Variants in TTLL11 observed in about 807,000 individuals in gnomAD.
The protein encoded by TTLL11 is tubulin tyrosine ligase like 11.
A neutral mutation model predicts 51.7 loss-of-function variants in TTLL11; 42 were observed. The ratio of observed to expected loss-of-function variants is 0.81; its 90% confidence interval spans 0.64 to 1.05. TTLL11 has a LOEUF of 1.05. Ranked by LOEUF, TTLL11 falls within the 50% of genes least tolerant of loss-of-function variation. The pLI is 0.00. For synonymous variants in TTLL11, 381 were observed against 383.5 expected (o/e 0.99, Z 0.08); for missense variants, 799 against 940.4 (o/e 0.85, Z 1.97).
chr9:122,003,072 A>G (rs1843525862), intron 3 of TTLL11, among the ~76,000 whole-genome samples: 3 of 152,050 alleles, frequency 2.0e-5, no homozygotes, highest in Non-Finnish European at 4.4e-5. Context: ...CAGCTATGCC[A>G]CAGTCTCAAC....
intron 6 of TTLL11, among the ~76,000 whole-genome samples, chr9:121,875,081 C>T (rs1838520631): frequency 2.0e-5 from 3 of 152,052 alleles, no homozygotes; most frequent in Admixed American, 1.3e-4. Context: ...TAAAGCTCAC[C>T]GTTTTAACCA....
chr9:122,026,626 A>C (rs1564364117), intron 3 of TTLL11, among the ~76,000 whole-genome samples: 1 of 152,152 alleles, frequency 6.6e-6, no homozygotes, highest in Non-Finnish European at 1.5e-5. Context: ...ATATCTCAAT[A>C]AAGCTGTCTG....
At chr9:121,865,231 C>T (rs563708065) in intron 7 of TTLL11, among the ~76,000 whole-genome samples, 1 of 152,226 alleles carries the variant, frequency 6.6e-6, no homozygotes, top group South Asian at 2.1e-4. Context: ...TAACACACCA[C>T]GTTGCCTCTC....
chr9:121,840,613 C>T (rs1837321051), intron 8 of TTLL11, among the ~76,000 whole-genome samples: 1 of 152,206 alleles, frequency 6.6e-6, no homozygotes, highest in African/African-American at 2.4e-5. Context: ...CCAGGTTGGT[C>T]TTGAACTCCT....
chr9:121,838,989 G>T (rs1283020039), intron 8 of TTLL11, among the ~76,000 whole-genome samples: 1 of 152,090 alleles, frequency 6.6e-6, no homozygotes, highest in Non-Finnish European at 1.5e-5. Context: ...CCTTCATTTC[G>T]CAGAACCTGC....
At position 121,912,632 on chromosome 9, in the gene TTLL11, C is replaced by A. The variant is rs568865166; in HGVS notation, c.1482-41884G>T. 7.2e-4 allele frequency among the ~76,000 whole-genome samples: 109 copies of A among 152,156 alleles called. 3 individuals are homozygous for A. Among genetic ancestry groups the A allele is most frequent in the Admixed American group, 7.1e-3 (108 of 15,294 alleles). ...CCCCTAAATTGTGTCTGTCTCAATACCCTATTGGATCTGGGAGCATCTTGA... is the reference window on the plus strand; with the variant it reads ...CCCCTAAATTGTGTCTGTCTCAATAACCTATTGGATCTGGGAGCATCTTGA... On this transcript the variant is annotated intron_variant, in intron 6 of 8. Transcript: ENST00000321582.
At chr9:121,851,873 G>T (rs1467303139) in intron 8 of TTLL11, among the ~76,000 whole-genome samples, 1 of 152,182 alleles carries the variant, frequency 6.6e-6, no homozygotes, top group Non-Finnish European at 1.5e-5. Flanking sequence ...GAGCTCCCTG[G>T]ACATGCTGTT....
chr9:121,992,881 C>G (rs1243221697), intron 3 of TTLL11, among the ~76,000 whole-genome samples: 1 of 152,206 alleles, frequency 6.6e-6, no homozygotes, highest in Non-Finnish European at 1.5e-5. Context: ...CAGTAAGATA[C>G]TCTACTAAGA....
At chr9:121,975,093 T>G (rs1842669842) in intron 4 of TTLL11, 114 bp from the exon 5 acceptor site, 1 of 706,888 alleles carries the variant, frequency 1.4e-6, no homozygotes, top group South Asian at 2.4e-5. Context: ...GACCCTGGCT[T>G]CTCTTGTCCA....
intron 3 of TTLL11, among the ~76,000 whole-genome samples, chr9:121,991,988 A>G (rs1418928700): frequency 6.6e-6 from 1 of 152,128 alleles, no homozygotes; most frequent in Non-Finnish European, 1.5e-5. Context: ...TCTAAGATAA[A>G]ACTGAAGATC....
In TTLL11 at chr9:122,032,797, C is replaced by CTT. The variant is rs11371856; in HGVS notation, c.560-943_560-942dup. Among the ~76,000 whole-genome samples, 453 of 138,626 alleles carry CTT rather than the reference C, an allele frequency of 3.3e-3. 6 individuals carry two copies. Among genetic ancestry groups the CTT allele is most frequent in the African/African-American group, 0.011 (421 of 37,418 alleles). 90.9% of individuals were successfully genotyped at this position (138,626 alleles called of 152,430 possible). A position where few individuals can be genotyped will look rare whatever the true frequency, so the allele number is the denominator to read the frequency against. On this transcript the variant is annotated intron_variant, in intron 2 of 8. Coordinates refer to ENST00000321582, the MANE Select transcript of TTLL11 (RefSeq NM_001139442.2). ...TTTTAGCATGTTTATTTCATTTTTT[C>CTT]TTTTTTTTTTTTTTTGAAACACAGC...
intron 7 of TTLL11, among the ~76,000 whole-genome samples, chr9:121,863,262 G>C (rs9299276): frequency 0.98 from 149,862 of 152,230 alleles, 73,804 homozygotes; most frequent in Middle Eastern, 1. Flanking sequence ...CTGTGGGGGA[G>C]GATGGTCCAG....
chr9:121,849,965 C>A (rs1002760331), intron 8 of TTLL11, among the ~76,000 whole-genome samples: 1 of 152,142 alleles, frequency 6.6e-6, no homozygotes, highest in Non-Finnish European at 1.5e-5. Context: ...CTGTATACTT[C>A]AAATTATCTC....
chr9:121,914,974 A>C (rs1840271401), intron 6 of TTLL11, among the ~76,000 whole-genome samples: 1 of 152,130 alleles, frequency 6.6e-6, no homozygotes, highest in African/African-American at 2.4e-5. Flanking sequence ...CCCGCTCTCC[A>C]CAGGGGCTCA....
intron 6 of TTLL11, among the ~76,000 whole-genome samples, chr9:121,911,454 A>G (rs1267884915): frequency 1.3e-5 from 2 of 152,242 alleles, no homozygotes; most frequent in Admixed American, 6.5e-5. Flanking sequence ...CCTAAGGATT[A>G]TAAGTAATTC....
chr9:122,005,500 T>C (rs1390644156), intron 3 of TTLL11, among the ~76,000 whole-genome samples: 2 of 152,180 alleles, frequency 1.3e-5, no homozygotes, highest in Non-Finnish European at 2.9e-5. Flanking sequence ...CAGGGTGGCA[T>C]TGGGCTAAGA....
At chr9:121,930,752 T>A (rs1840935069) in intron 6 of TTLL11, among the ~76,000 whole-genome samples, 1 of 152,170 alleles carries the variant, frequency 6.6e-6, no homozygotes. Context: ...GTGTGGACCT[T>A]TGCATCTCTA....
At chr9:121,927,701 T>TG (rs1398838366) in intron 6 of TTLL11, among the ~76,000 whole-genome samples, 1 of 150,834 alleles carries the variant, frequency 6.6e-6, no homozygotes, top group East Asian at 2.0e-4. Context: ...CTGGCCAGGA[T>TG]GGTGACAGAG....
At chr9:121,897,052 T>G (rs1310825192) in intron 6 of TTLL11, among the ~76,000 whole-genome samples, 1 of 152,152 alleles carries the variant, frequency 6.6e-6, no homozygotes, top group Non-Finnish European at 1.5e-5. Context: ...GTCAATAGAC[T>G]TATTAAGGAA....
Sources: allele counts gnomAD v4.1 joint callset (sites outside exome capture counted in the v4.1 genomes callset), GRCh38; gene constraint gnomAD v4.1.1; transcripts MANE v1.5; gene names NCBI Gene and HGNC (gene_info 2026-07-23, HGNC 2026-07-21).